FGF14: variants seen among roughly 807,000 people sequenced by gnomAD.
The protein encoded by FGF14 is fibroblast growth factor homologous factor 4.
FGF14 carries 5 observed loss-of-function variants against 25.5 expected under a neutral mutation model. That is an observed-to-expected ratio of 0.20 (90% CI 0.10 to 0.41). The LOEUF (loss-of-function observed/expected upper bound fraction) is 0.41. Ranked by LOEUF, FGF14 falls within the 10% of genes least tolerant of loss-of-function variation. The pLI is 1.00. For missense variants in FGF14, 222 were observed against 320.1 expected, an observed-to-expected ratio of 0.69 and a Z score of 2.34; for synonymous variants, 138 against 118.3, an observed-to-expected ratio of 1.17 and a Z score of -1.08.
chr13:102,280,778 A>C lies in FGF14; in HGVS notation c.208+120693T>G, dbSNP rs756850694. Among the ~76,000 whole-genome samples, 92 of 152,340 alleles carry C rather than the reference A, an allele frequency of 6.0e-4. 2 individuals are homozygous for C. The highest frequency in any genetic ancestry group is 3.4e-3 in the Middle Eastern group (1 of 294). Reference sequence around the variant, plus strand: ...TAACAAACAAACAAACAAGATCTAGAGTTTAATAGGAATATGAAAACAGAT... The same window carrying C: ...TAACAAACAAACAAACAAGATCTAGCGTTTAATAGGAATATGAAAACAGAT... On this transcript the variant is annotated intron_variant, in intron 1 of 4. Transcript: ENST00000376131.
chr13:102,234,570 C>G (rs909656560), intron 1 of FGF14, among the ~76,000 whole-genome samples: 2 of 152,052 alleles, frequency 1.3e-5, no homozygotes, highest in Non-Finnish European at 2.9e-5. Flanking sequence ...GTGCATTTTA[C>G]TATAATTAAA....
chr13:101,911,559 T>C (rs985904356), intron 1 of FGF14, among the ~76,000 whole-genome samples: 3 of 152,142 alleles, frequency 2.0e-5, no homozygotes, highest in African/African-American at 7.2e-5. Context: ...ATCATAACAA[T>C]TAAGCCACAG....
rs557218941 is a variant in FGF14, at chr13:101,794,235, G to T, written c.409-67425C>A. Among the ~76,000 whole-genome samples the T allele has an allele frequency of 7.9e-5, 12 of 151,980 alleles. 1 individual carries two copies. Among genetic ancestry groups the T allele is most frequent in the African/African-American group, 2.9e-4 (12 of 41,452 alleles). ...CTGCCAGTAACTACTGAGGCTCTCT[G>T]TAAGCATCTGTGCTCTCTCTCAGTC... On this transcript the variant is annotated intron_variant, in intron 3 of 4. Coordinates refer to ENST00000376143, the MANE Select transcript of FGF14 (RefSeq NM_004115.4).
At chr13:102,349,683 A>C (rs1012582671) in intron 1 of FGF14, among the ~76,000 whole-genome samples, 20 of 152,190 alleles carry the variant, frequency 1.3e-4, no homozygotes, top group African/African-American at 4.8e-4. Flanking sequence ...TGAGAAGTGA[A>C]TTTTTCTAGA....
intron 1 of FGF14, among the ~76,000 whole-genome samples, chr13:102,039,429 C>T (rs970122493): frequency 4.6e-5 from 7 of 152,104 alleles, no homozygotes; most frequent in Non-Finnish European, 8.8e-5. Context: ...TAGTTCTGGG[C>T]GGTAGAAGCC....
intron 3 of FGF14, among the ~76,000 whole-genome samples, chr13:101,752,979 C>T (rs2037389322): frequency 6.6e-6 from 1 of 152,050 alleles, no homozygotes; most frequent in African/African-American, 2.4e-5. Context: ...GCTGCTATGA[C>T]AGATATAAAA....
intron 1 of FGF14, among the ~76,000 whole-genome samples, chr13:102,313,976 G>T (rs1175656350): frequency 6.6e-6 from 1 of 152,150 alleles, no homozygotes; most frequent in Non-Finnish European, 1.5e-5. Context: ...AAACAACTCT[G>T]CCAGGCTGAG....
At chr13:101,768,348 T>G (rs1433427207) in intron 3 of FGF14, among the ~76,000 whole-genome samples, 1 of 152,054 alleles carries the variant, frequency 6.6e-6, no homozygotes, top group Non-Finnish European at 1.5e-5. Context: ...AGATACTCCA[T>G]CTTCATGGGT....
At chr13:102,196,734 A>AT (rs2049370340) in intron 1 of FGF14, among the ~76,000 whole-genome samples, 3 of 152,160 alleles carry the variant, frequency 2.0e-5, no homozygotes, top group African/African-American at 7.2e-5. Context: ...TATGTAATGC[A>AT]ATCGTATTTA....
chr13:102,222,709 T>C (rs2050668086), intron 1 of FGF14, among the ~76,000 whole-genome samples: 1 of 152,220 alleles, frequency 6.6e-6, no homozygotes, highest in African/African-American at 2.4e-5. Context: ...ACTCAGGATG[T>C]TTCTTCCCCA....
At chr13:101,918,148 A>T (rs113375644), upstream of FGF14, among the ~76,000 whole-genome samples, 1 of 152,104 alleles carries the variant, frequency 6.6e-6, no homozygotes, top group African/African-American at 2.4e-5. Context: ...CCTCCTGGAT[A>T]CCTGAAAATG....
intron 1 of FGF14, among the ~76,000 whole-genome samples, chr13:101,878,155 C>T (rs1284442452): frequency 6.6e-6 from 1 of 152,210 alleles, no homozygotes; most frequent in Admixed American, 6.5e-5. Flanking sequence ...TCACCTGGGT[C>T]ACTGTGGGTT....
chr13:102,109,976 C>T (rs759103666), intron 1 of FGF14, among the ~76,000 whole-genome samples: 9 of 152,104 alleles, frequency 5.9e-5, no homozygotes, highest in Non-Finnish European at 1.3e-4. Context: ...GATTAAGATA[C>T]ATAGATACTG....
At chr13:102,356,570 T>A (rs2057422457) in intron 1 of FGF14, among the ~76,000 whole-genome samples, 3 of 152,270 alleles carry the variant, frequency 2.0e-5, no homozygotes, top group Admixed American at 1.3e-4. Flanking sequence ...CCTTGAAAAT[T>A]TGCTAAAGAT....
intron 1 of FGF14, among the ~76,000 whole-genome samples, chr13:102,395,907 C>G (rs2058570380): frequency 6.6e-6 from 1 of 152,128 alleles, no homozygotes; most frequent in Non-Finnish European, 1.5e-5. Flanking sequence ...TTGTTCCCTT[C>G]TCTTCATCAT....
intron 3 of FGF14, among the ~76,000 whole-genome samples, chr13:101,728,327 T>C (rs1358959120): frequency 1.3e-5 from 2 of 152,122 alleles, no homozygotes; most frequent in Non-Finnish European, 2.9e-5. Flanking sequence ...GAGCAACTTA[T>C]GTAGATCTTT....
At chr13:101,919,970 A>G (rs2033879297), upstream of FGF14, among the ~76,000 whole-genome samples, 1 of 152,126 alleles carries the variant, frequency 6.6e-6, no homozygotes, top group Non-Finnish European at 1.5e-5. Context: ...TCTTCAACGT[A>G]GCTTCCTATT....
At chr13:102,386,623 G>C (rs2058310422) in intron 1 of FGF14, among the ~76,000 whole-genome samples, 1 of 152,160 alleles carries the variant, frequency 6.6e-6, no homozygotes, top group Non-Finnish European at 1.5e-5. Flanking sequence ...GAGTAAAGTT[G>C]TAAGACACAG....
At chr13:102,273,303 G>A (rs2053345254) in intron 1 of FGF14, among the ~76,000 whole-genome samples, 1 of 152,128 alleles carries the variant, frequency 6.6e-6, no homozygotes, top group Non-Finnish European at 1.5e-5. Context: ...TAGAATTCAT[G>A]ACAAAAAGAA....
Sources: gnomAD v4.1 joint callset for allele counts (sites outside exome capture counted in the v4.1 genomes callset) on GRCh38, gnomAD v4.1.1 for gene constraint, MANE v1.5 for transcripts, NCBI Gene and HGNC (gene_info 2026-07-23, HGNC 2026-07-21) for gene names.